The following PTBP2 variants were observed in gnomAD, a reference collection of about 807,000 sequenced individuals.
The protein encoded by PTBP2 is polypyrimidine tract-binding protein 2.
A neutral mutation model predicts 61.4 loss-of-function variants in PTBP2; 13 were observed. That is an observed-to-expected ratio of 0.21 (90% CI 0.14 to 0.34). The LOEUF (loss-of-function observed/expected upper bound fraction) is 0.34. PTBP2 is among the 10% of genes least tolerant of loss of function. The probability of loss-of-function intolerance (pLI) is 1.00; values close to 1 mark genes in which losing one functional copy is unlikely to be tolerated. For synonymous variants in PTBP2, 215 were observed against 218.5 expected, an observed-to-expected ratio of 0.98 and a Z score of 0.14; for missense variants, 405 against 642.6, an observed-to-expected ratio of 0.63 and a Z score of 4.00.
intron 7 of PTBP2, among the ~76,000 whole-genome samples, chr1:96,782,964 A>G (rs912401160): frequency 6.6e-6 from 1 of 151,698 alleles, no homozygotes; most frequent in African/African-American, 2.4e-5. Flanking sequence ...GTTTTTGCTT[A>G]CTGTCTAAAC....
chr1:96,822,018 A>G (rs1198741522), exon 14 of PTBP2: 1 of 152,148 alleles, frequency 6.6e-6, no homozygotes, highest in East Asian at 1.9e-4. Flanking sequence ...GATGCTTTGG[A>G]TGAAATACAG....
intron 4 of PTBP2, 49 bp from the exon 5 acceptor site, chr1:96,770,659 A>C: frequency 6.8e-7 from 1 of 1,460,746 alleles, no homozygotes; most frequent in South Asian, 1.2e-5. Flanking sequence ...TTAGATATTA[A>C]TTTTATTTGA....
intron 2 of PTBP2, among the ~76,000 whole-genome samples, chr1:96,739,725 C>A (rs1168907527): frequency 6.9e-6 from 1 of 145,946 alleles, no homozygotes; most frequent in Non-Finnish European, 1.5e-5. Context: ...CACCCGGGTT[C>A]ACGCCATCTT....
intron 8 of PTBP2, among the ~76,000 whole-genome samples, chr1:96,786,823 A>T (rs1014745407): frequency 6.6e-6 from 1 of 152,180 alleles, no homozygotes; most frequent in African/African-American, 2.4e-5. Flanking sequence ...AACTCCAGCT[A>T]GTATTAACAA....
At position 96,769,887 on chromosome 1, in the gene PTBP2, T is replaced by C; in HGVS notation, c.288+12T>C. The C allele has an allele frequency of 6.4e-7, 1 of 1,571,148 alleles. No individual in the cohort carries two copies. The highest frequency in any genetic ancestry group is 8.6e-7 in the Non-Finnish European group (1 of 1,160,306). On this transcript the variant is annotated intron_variant, in intron 4 of 13. Coordinates refer to ENST00000674951, the MANE Select transcript of PTBP2 (RefSeq NM_021190.4). ...AAGGAAAAAATCAGGTACACTTCTT[T>C]CAGGGTTTATGAAATGTTAAACCCC...
intron 2 of PTBP2, among the ~76,000 whole-genome samples, chr1:96,743,242 A>G (rs1653292271): frequency 6.7e-6 from 1 of 150,076 alleles, no homozygotes; most frequent in African/African-American, 2.5e-5. Flanking sequence ...GCGCCACTGG[A>G]CTCCAGCCTG....
At chr1:96,762,955 C>T (rs1308312908) in intron 3 of PTBP2, among the ~76,000 whole-genome samples, 1 of 149,588 alleles carries the variant, frequency 6.7e-6, no homozygotes, top group Non-Finnish European at 1.5e-5. Flanking sequence ...GGCGGGGCAG[C>T]GGCGCTCCCC....
At chr1:96,769,490 T>C (rs1657142088) in intron 3 of PTBP2, among the ~76,000 whole-genome samples, 1 of 151,208 alleles carries the variant, frequency 6.6e-6, no homozygotes, top group Admixed American at 6.6e-5. Flanking sequence ...TTAACAGCAA[T>C]CTTAAATAGT....
chr1:96,737,998 G>GT (rs1266950377), intron 2 of PTBP2, among the ~76,000 whole-genome samples: 1 of 151,930 alleles, frequency 6.6e-6, no homozygotes, highest in Non-Finnish European at 1.5e-5. Context: ...GTTAGGTTTT[G>GT]TAAGTGTTGA....
Position 96,813,661 on chromosome 1 carries a change from C to CTTT in PTBP2, c.*275_*277dup, listed in dbSNP as rs66475516. 8.6e-3 allele frequency: 1,054 copies of CTTT among 122,148 alleles called. 21 individuals are homozygous for CTTT. Among genetic ancestry groups the CTTT allele is most frequent in the African/African-American group, 0.015 (379 of 24,960 alleles). 7.6% of individuals were successfully genotyped at this position (122,148 alleles called of 1,614,324 possible). Reference sequence around the variant, plus strand: ...TGTTTAAAATTTCAGTTTAATTTTGCTTTTTTTTTTTTTTTTTTTTTCCTT... The same window carrying CTTT: ...TGTTTAAAATTTCAGTTTAATTTTGCTTTTTTTTTTTTTTTTTTTTTTTTCCTT... On this transcript the variant is annotated 3_prime_UTR_variant, in exon 14 of 14. Coordinates refer to ENST00000674951, the MANE Select transcript of PTBP2 (RefSeq NM_021190.4).
At chr1:96,758,842 T>G (rs938490035) in intron 3 of PTBP2, among the ~76,000 whole-genome samples, 15 of 152,090 alleles carry the variant, frequency 9.9e-5, no homozygotes, top group African/African-American at 3.6e-4. Flanking sequence ...ACATAAAGAT[T>G]GTAAAGGAAG....
At chr1:96,752,036 CAAAGTT>C (rs1029467757) in intron 3 of PTBP2, among the ~76,000 whole-genome samples, 6 of 151,764 alleles carry the variant, frequency 4.0e-5, no homozygotes, top group African/African-American at 1.5e-4. Context: ...TTTTAATCTT[CAAAGTT>C]AGAGTTAAAA....
In PTBP2 at chr1:96,777,757, T is replaced by C; in HGVS notation, c.597+8T>C. On this transcript the variant is annotated splice_region_variant and intron_variant, in intron 6 of 13. Coordinates refer to ENST00000674951, the MANE Select transcript of PTBP2 (RefSeq NM_021190.4). Reference sequence around the variant, plus strand: ...CTTGATGTTCTTCACCAAGTAAGTTTAATCTGCATAATTACCTATAAATTA... The same window carrying C: ...CTTGATGTTCTTCACCAAGTAAGTTCAATCTGCATAATTACCTATAAATTA... The C allele has an allele frequency of 6.3e-7, 1 of 1,579,948 alleles. No homozygotes were observed. Among genetic ancestry groups the C allele is most frequent in the Non-Finnish European group, 8.6e-7 (1 of 1,158,470 alleles).
intron 2 of PTBP2, among the ~76,000 whole-genome samples, chr1:96,745,518 CT>C (rs200917141): frequency 0.02 from 2,997 of 152,192 alleles, 53 homozygotes; most frequent in Middle Eastern, 0.041. Flanking sequence ...GCTGCCACAA[CT>C]TTTGCCTTAT....
At chr1:96,735,320 G>C (rs1310521116) in intron 2 of PTBP2, among the ~76,000 whole-genome samples, 2 of 152,200 alleles carry the variant, frequency 1.3e-5, no homozygotes, top group African/African-American at 2.4e-5. Context: ...TTTAATGTAA[G>C]TTGGAACTAT....
intron 1 of PTBP2, among the ~76,000 whole-genome samples, chr1:96,722,351 C>T (rs1431326329): frequency 6.6e-6 from 1 of 152,006 alleles, no homozygotes; most frequent in African/African-American, 2.4e-5. Flanking sequence ...CAGCCATGAG[C>T]AACCTCTCCG....
At position 96,805,034 on chromosome 1, in the gene PTBP2, A is replaced by G. The variant is rs188987764; in HGVS notation, c.1044+95A>G. 1.5e-3 allele frequency: 1,414 copies of G among 961,968 alleles called. 3 individuals carry two copies. The highest frequency in any genetic ancestry group is 1.9e-3 in the Non-Finnish European group (1,312 of 673,088). 59.6% of individuals were successfully genotyped at this position (961,968 alleles called of 1,614,324 possible). A position where few individuals can be genotyped will look rare whatever the true frequency, so the allele number is the denominator to read the frequency against. On this transcript the variant is annotated intron_variant, in intron 9 of 13. Coordinates refer to ENST00000674951, the MANE Select transcript of PTBP2 (RefSeq NM_021190.4). ...TCATTTTGCACTTGCCTTTCTTTTT[A>G]TGTACATTCATTAGTCAAAGTATTT... is the stretch of plus-strand genomic sequence containing the variant.
intron 3 of PTBP2, among the ~76,000 whole-genome samples, chr1:96,762,464 C>G (rs550808801): frequency 0.012 from 1,735 of 142,890 alleles, 30 homozygotes; most frequent in African/African-American, 0.044. Context: ...CCACCTCCCT[C>G]CCGGACGGGG....
chr1:96,727,541 C>T (rs1345873168), intron 2 of PTBP2, among the ~76,000 whole-genome samples: 1 of 152,154 alleles, frequency 6.6e-6, no homozygotes, highest in Admixed American at 6.5e-5. Context: ...AGTCCTTCCA[C>T]ATCCTCTTTA....
Sources: allele counts gnomAD v4.1 joint callset (sites outside exome capture counted in the v4.1 genomes callset), GRCh38; gene constraint gnomAD v4.1.1; transcripts MANE v1.5; gene names NCBI Gene and HGNC (gene_info 2026-07-23, HGNC 2026-07-21).